The following MXD1 variants were observed in gnomAD, a reference collection of about 807,000 sequenced individuals.
MXD1 encodes MAX dimerization protein 1.
A neutral mutation model predicts 25.7 loss-of-function variants in MXD1; 9 were observed. That is an observed-to-expected ratio of 0.35 (90% confidence interval 0.21 to 0.61). MXD1 has a LOEUF of 0.61. MXD1 is among the 20% of genes least tolerant of loss of function. The pLI, the probability that MXD1 is intolerant of heterozygous loss-of-function variation, is 0.75. For missense variants in MXD1, 227 were observed against 292.4 expected, an observed-to-expected ratio of 0.78 and a Z score of 1.63; for synonymous variants, 99 against 113.9, an observed-to-expected ratio of 0.87 and a Z score of 0.83.
rs1320318681 is a variant in MXD1 at position 69,939,486 on chromosome 2, A to C, written c.*1202A>C. On this transcript the variant is annotated 3_prime_UTR_variant, in exon 6 of 6. Coordinates refer to ENST00000264444, the MANE Select transcript of MXD1 (RefSeq NM_002357.4). ...TTAAGCTAAAACAGAGCACATGTAT[A>C]TGTACATAAGACACATTAAATCTAT... is the stretch of plus-strand genomic sequence containing the variant. 6.5e-6 allele frequency: 1 copy of C among 152,680 alleles called. No individual in the cohort carries two copies. The highest frequency in any genetic ancestry group is 2.4e-5 in the African/African-American group (1 of 41,470). The allele number at this position is 152,680 out of a possible 1,614,324, so 9.5% of individuals were successfully genotyped here.
intron 3 of MXD1, among the ~76,000 whole-genome samples, chr2:69,923,638 T>C (rs1677115175): frequency 6.6e-6 from 1 of 152,146 alleles, no homozygotes; most frequent in South Asian, 2.1e-4. Context: ...ATGCTTCTGC[T>C]CATCCCATCG....
intron 2 of MXD1, 58 bp downstream of exon 2, chr2:69,916,278 G>A (rs1676961699): frequency 1.9e-6 from 2 of 1,033,842 alleles, no homozygotes; most frequent in Non-Finnish European, 3.0e-6. Context: ...GACACAAACT[G>A]CTGAATGTAA....
chr2:69,933,229 AAAAG>A (rs1418256384), intron 3 of MXD1, among the ~76,000 whole-genome samples: 32 of 149,832 alleles, frequency 2.1e-4, no homozygotes, highest in Admixed American at 3.3e-4. Context: ...AAAAAACAAA[AAAAG>A]AAAATTAGTC....
intron 3 of MXD1, among the ~76,000 whole-genome samples, chr2:69,930,118 A>G (rs1303130419): frequency 6.6e-6 from 1 of 152,158 alleles, no homozygotes; most frequent in Non-Finnish European, 1.5e-5. Flanking sequence ...TGTTTGGAGG[A>G]TTCATATCCA....
At chr2:69,937,202 G>T in intron 4 of MXD1, 33 bp from the exon 5 acceptor site, 1 of 1,611,012 alleles carries the variant, frequency 6.2e-7, no homozygotes, top group Non-Finnish European at 8.5e-7. Flanking sequence ...AGATCTCCCT[G>T]TGGGGCCCAA....
Position 69,937,478 on chromosome 2 carries a change from AGT to A in MXD1, c.478+87_478+88del, listed in dbSNP as rs1032254878. ...GTTCAGTACTGCGGACAGGAGGCAG[AGT>A]GTAAGAAGAACTAAGACACTGGGTA... On this transcript the variant is annotated intron_variant, in intron 5 of 5. Coordinates refer to ENST00000264444, the MANE Select transcript of MXD1 (RefSeq NM_002357.4). 9 of 1,333,462 alleles carry A rather than the reference AGT, an allele frequency of 6.7e-6. No homozygotes were observed. The Admixed American group carries it at 1.6e-4, about 23-fold the overall frequency. 82.6% of individuals were successfully genotyped at this position (1,333,462 alleles called of 1,614,324 possible). A position where few individuals can be genotyped will look rare whatever the true frequency, so the allele number is the denominator to read the frequency against.
At chr2:69,924,941 A>G (rs1677142046) in intron 3 of MXD1, among the ~76,000 whole-genome samples, 1 of 152,230 alleles carries the variant, frequency 6.6e-6, no homozygotes, top group African/African-American at 2.4e-5. Context: ...CACTGTAAGG[A>G]TATTATACCC....
Position 69,915,338 on chromosome 2 carries a change from C to T in MXD1, c.8C>T (p.Ala3Val), listed in dbSNP as rs944435268. 3.8e-6 allele frequency: 5 copies of T among 1,305,212 alleles called. No homozygotes were observed. Among genetic ancestry groups the T allele is most frequent in the Non-Finnish European group, 4.9e-6 (5 of 1,017,964 alleles). The allele number at this position is 1,305,212 out of a possible 1,614,324, so 80.9% of individuals were successfully genotyped here. A position where few individuals can be genotyped will look rare whatever the true frequency, so the allele number is the denominator to read the frequency against. ...TCCGGCCCCCGGTGCAGAATGGCGGCGGCGGTTCGGATGAACATCCAGATG... is the reference window on the plus strand; with the variant it reads ...TCCGGCCCCCGGTGCAGAATGGCGGTGGCGGTTCGGATGAACATCCAGATG... MA[A>V]AVRMNIQMLL... The change falls in exon 1 of 6, where the codon GCG becomes GTG. Residue 3 changes from alanine to valine, a missense_variant. Physicochemically the swap from Ala to Val is moderately conservative, Grantham distance 64 (BLOSUM62 0). Transcript: ENST00000264444. This position sits in a 1 kb window ranked among gnomAD's most constrained non-coding sequence, Gnocchi z 5.8.
rs1553380705 is a variant in MXD1 at position 69,941,863 on chromosome 2, T to TATACAC, written c.*3580_*3581insTACACA. On this transcript the variant is annotated 3_prime_UTR_variant, in exon 6 of 6. Coordinates refer to ENST00000264444, the MANE Select transcript of MXD1 (RefSeq NM_002357.4). ...CTTATTTTTGAAAAGTATCTATATA[T>TATACAC]ACACACACACACACACACACACATA... is the stretch of plus-strand genomic sequence containing the variant. 6 of 144,736 alleles carry TATACAC rather than the reference T, an allele frequency of 4.1e-5. No homozygotes were observed. Among genetic ancestry groups the TATACAC allele is most frequent in the African/African-American group, 1.6e-4 (6 of 38,420 alleles). 9.0% of individuals were successfully genotyped at this position (144,736 alleles called of 1,614,324 possible). A position where few individuals can be genotyped will look rare whatever the true frequency, so the allele number is the denominator to read the frequency against.
chr2:69,917,495 A>AT (rs1180451019), intron 2 of MXD1, among the ~76,000 whole-genome samples: 2 of 152,120 alleles, frequency 1.3e-5, no homozygotes, highest in African/African-American at 2.4e-5. Flanking sequence ...TTGTTACAAT[A>AT]TTTTTTTAAT....
In MXD1 at chr2:69,939,739, A is replaced by G. The variant is rs771001139; in HGVS notation, c.*1455A>G. 6.6e-6 allele frequency: 1 copy of G among 152,576 alleles called. No homozygotes were observed. Among genetic ancestry groups the G allele is most frequent in the African/African-American group, 2.4e-5 (1 of 41,580 alleles). 9.5% of individuals were successfully genotyped at this position (152,576 alleles called of 1,614,324 possible). ...TGTAAAATCTGTGATGCTGAAGCAGAGTGTGTCACAAAGTGATGAGAACAT... is the reference window on the plus strand; with the variant it reads ...TGTAAAATCTGTGATGCTGAAGCAGGGTGTGTCACAAAGTGATGAGAACAT... On this transcript the variant is annotated 3_prime_UTR_variant, in exon 6 of 6. Transcript: ENST00000264444.
intron 2 of MXD1, 57 bp downstream of exon 2, chr2:69,916,277 T>C: frequency 9.6e-7 from 1 of 1,040,640 alleles, no homozygotes; most frequent in South Asian, 1.3e-5. Flanking sequence ...TGACACAAAC[T>C]GCTGAATGTA....
At chr2:69,918,547 G>T (rs1033286928) in intron 2 of MXD1, among the ~76,000 whole-genome samples, 6 of 152,168 alleles carry the variant, frequency 3.9e-5, no homozygotes, top group African/African-American at 9.7e-5. Context: ...TCTTAAAAGT[G>T]TGTTTTGTTC....
At chr2:69,924,439 T>G (rs1677133183) in intron 3 of MXD1, among the ~76,000 whole-genome samples, 1 of 152,162 alleles carries the variant, frequency 6.6e-6, no homozygotes, top group Non-Finnish European at 1.5e-5. Flanking sequence ...AGAAGGAAAA[T>G]CAGGACTCAG....
In MXD1 at chr2:69,935,255, C is replaced by T. The variant is rs1336998330; in HGVS notation, c.204-96C>T. On this transcript the variant is annotated intron_variant, in intron 3 of 5. Transcript: ENST00000264444. ...TTGGTAGCATTTGCCATCGCAAGGCCTGGGCAACTTCACACTCTTTGAGAA... is the reference window on the plus strand; with the variant it reads ...TTGGTAGCATTTGCCATCGCAAGGCTTGGGCAACTTCACACTCTTTGAGAA... The T allele has an allele frequency of 4.8e-6, 4 of 839,700 alleles. No individual in the cohort carries two copies. The African/African-American group carries it at 6.8e-5, about 14-fold the overall frequency. 52.0% of individuals were successfully genotyped at this position (839,700 alleles called of 1,614,324 possible). A position where few individuals can be genotyped will look rare whatever the true frequency, so the allele number is the denominator to read the frequency against.
At chr2:69,935,250 A>G in intron 3 of MXD1, 101 bp from the exon 4 acceptor site, 1 of 786,860 alleles carries the variant, frequency 1.3e-6, no homozygotes, top group Non-Finnish European at 2.2e-6. Context: ...TTGCCATCGC[A>G]AGGCCTGGGC....
chr2:69,921,633 C>A, intron 2 of MXD1, 103 bp from the exon 3 acceptor site: 1 of 1,063,938 alleles, frequency 9.4e-7, no homozygotes. Context: ...TACATCTCTC[C>A]TATCAACTTT....
At position 69,915,338 on chromosome 2, in the gene MXD1, C is replaced by A; in HGVS notation, c.8C>A (p.Ala3Glu). The change falls in exon 1 of 6, where the codon GCG becomes GAG. Residue 3 changes from alanine to glutamate, a missense_variant. By Grantham distance (107) the Ala-to-Glu change is moderately radical. Transcript: ENST00000264444. This position sits in a 1 kb window ranked among gnomAD's most constrained non-coding sequence, Gnocchi z 5.8. The part of the protein sequence containing the change: MA[A>E]AVRMNIQMLL... ...TCCGGCCCCCGGTGCAGAATGGCGG[C>A]GGCGGTTCGGATGAACATCCAGATG... The A allele has an allele frequency of 7.7e-7, 1 of 1,305,330 alleles. No individual in the cohort carries two copies. Among genetic ancestry groups the A allele is most frequent in the South Asian group, 2.3e-5 (1 of 42,718 alleles). The allele number at this position is 1,305,330 out of a possible 1,614,324, so 80.9% of individuals were successfully genotyped here.
intron 2 of MXD1, among the ~76,000 whole-genome samples, chr2:69,920,194 G>T (rs938644309): frequency 1.4e-4 from 21 of 151,830 alleles, no homozygotes; most frequent in African/African-American, 4.8e-4. Context: ...CACCATGTTG[G>T]CCAGGATGGT....
Sources: gnomAD v4.1 joint callset for allele counts (sites outside exome capture counted in the v4.1 genomes callset) on GRCh38, gnomAD v4.1.1 for gene constraint, Gnocchi (gnomAD v3.1) non-coding constraint, MANE v1.5 for transcripts, NCBI Gene and HGNC (gene_info 2026-07-23, HGNC 2026-07-21) for gene names.